Variants in PTPRN2 observed in about 807,000 individuals in gnomAD.
PTPRN2 encodes the protein receptor-type tyrosine-protein phosphatase N2.
In PTPRN2, 74 loss-of-function variants were observed where a neutral mutation model predicts 118.8. The ratio of observed to expected loss-of-function variants is 0.62; its 90% CI spans 0.52 to 0.76. The LOEUF is 0.76. Among genes scored for constraint, PTPRN2 ranks in the 30% least tolerant of loss-of-function variants. The pLI is 0.00. For synonymous variants in PTPRN2, 641 were observed against 608.0 expected (o/e 1.05, Z -0.80); for missense variants, 1,481 against 1,394.4 (o/e 1.06, Z -0.99).
In PTPRN2 at chr7:157,929,702, C is replaced by T. The variant is rs1165147390; in HGVS notation, c.1724-30965G>A. Among the ~76,000 whole-genome samples, 5 of 151,938 alleles carry T rather than the reference C, an allele frequency of 3.3e-5. No homozygotes were observed. The highest frequency in any genetic ancestry group is 2.1e-4 in the South Asian group (1 of 4,818). Reference sequence around the variant, plus strand: ...TCTACTGTAAGACTTCCCTGTCCCTCGGGTGGGGGCGGCATCCTCACAGGG... The same window carrying T: ...TCTACTGTAAGACTTCCCTGTCCCTTGGGTGGGGGCGGCATCCTCACAGGG... On this transcript the variant is annotated intron_variant, in intron 11 of 22. Coordinates refer to ENST00000389418, the MANE Select transcript of PTPRN2 (RefSeq NM_002847.5). The surrounding 1 kb of genome is among the most constrained non-coding windows in gnomAD (Gnocchi z 4.4).
intron 1 of PTPRN2, among the ~76,000 whole-genome samples, chr7:158,551,511 C>T (rs1449045743): frequency 6.9e-6 from 1 of 144,640 alleles, no homozygotes; most frequent in Non-Finnish European, 1.5e-5. Context: ...CAGCTCCTAA[C>T]CCATTGCATC....
intron 9 of PTPRN2, among the ~76,000 whole-genome samples, chr7:158,120,839 A>C (rs1046140331): frequency 1.1e-4 from 17 of 152,176 alleles, no homozygotes; most frequent in Non-Finnish European, 2.2e-4. Flanking sequence ...GGGAGGCAAC[A>C]GGGAAGGGAG....
chr7:157,910,730 G>A (rs886644245), intron 11 of PTPRN2, among the ~76,000 whole-genome samples: 1 of 152,238 alleles, frequency 6.6e-6, no homozygotes, highest in African/African-American at 2.4e-5. Flanking sequence ...GTGTGCGAGC[G>A]CGCGTGCGCC....
chr7:158,538,280 G>A lies in PTPRN2; in HGVS notation c.113-48495C>T, dbSNP rs1354551652. On this transcript the variant is annotated intron_variant, in intron 1 of 22. Coordinates refer to ENST00000389418, the MANE Select transcript of PTPRN2 (RefSeq NM_002847.5). Reference sequence around the variant, plus strand: ...TGCACCGCATCTCGGAAAGTGTTTCGAGACCTGCTCGTCCGGTGACTGGCG... The same window carrying A: ...TGCACCGCATCTCGGAAAGTGTTTCAAGACCTGCTCGTCCGGTGACTGGCG... Among the ~76,000 whole-genome samples, 5 of 152,312 alleles carry A rather than the reference G, an allele frequency of 3.3e-5. No homozygotes were observed. The East Asian group carries it at 9.7e-4, about 29-fold the overall frequency.
At chr7:157,757,163 T>C (rs1801834736) in intron 12 of PTPRN2, among the ~76,000 whole-genome samples, 1 of 151,554 alleles carries the variant, frequency 6.6e-6, no homozygotes, top group African/African-American at 2.4e-5. Flanking sequence ...TAGAAAAACC[T>C]AGCCTTGCAG....
intron 8 of PTPRN2, among the ~76,000 whole-genome samples, chr7:158,134,384 T>A (rs557401005): frequency 4.0e-5 from 6 of 151,510 alleles, no homozygotes; most frequent in African/African-American, 7.3e-5. Flanking sequence ...TTGATATTTT[T>A]AAAAATAAAC....
intron 3 of PTPRN2, among the ~76,000 whole-genome samples, chr7:158,284,564 G>A (rs1475840698): frequency 6.6e-6 from 1 of 152,184 alleles, no homozygotes; most frequent in African/African-American, 2.4e-5. Flanking sequence ...GGTTTTGACA[G>A]AAATTATGGA....
intron 3 of PTPRN2, among the ~76,000 whole-genome samples, chr7:158,255,540 A>G (rs954437152): frequency 6.6e-6 from 1 of 152,228 alleles, no homozygotes; most frequent in African/African-American, 2.4e-5. Context: ...GGGGAACTGC[A>G]GAGGACAGTA....
At position 158,248,055 on chromosome 7, in the gene PTPRN2, G is replaced by A. The variant is rs182607812; in HGVS notation, c.278-42782C>T. Among the ~76,000 whole-genome samples the A allele has an allele frequency of 3.2e-3, 490 of 152,280 alleles. 2 individuals carry two copies. The highest frequency in any genetic ancestry group is 6.0e-3 in the Non-Finnish European group (408 of 68,020). ...AAATCACAGCACATCGTTTCTGAGGGTAAAGAATTAGAGACTCCTTGAAAA... is the reference window on the plus strand; with the variant it reads ...AAATCACAGCACATCGTTTCTGAGGATAAAGAATTAGAGACTCCTTGAAAA... On this transcript the variant is annotated intron_variant, in intron 3 of 22. Transcript: ENST00000389418.
chr7:158,188,939 A>G (rs1023063438), intron 5 of PTPRN2, among the ~76,000 whole-genome samples: 7 of 152,166 alleles, frequency 4.6e-5, no homozygotes, highest in African/African-American at 1.7e-4. Flanking sequence ...TGCTGAGTCC[A>G]GCAGAACCAC....
chr7:157,774,614 T>C (rs944037818), intron 12 of PTPRN2, among the ~76,000 whole-genome samples: 2 of 152,170 alleles, frequency 1.3e-5, no homozygotes, highest in Non-Finnish European at 2.9e-5. Context: ...GGTGACAGTG[T>C]CGGCAAAAGT....
chr7:157,558,906 C>G (rs1415125376), intron 21 of PTPRN2, among the ~76,000 whole-genome samples: 1 of 152,226 alleles, frequency 6.6e-6, no homozygotes, highest in Non-Finnish European at 1.5e-5. Context: ...AGTGCAAACA[C>G]AGAGACCTTG....
chr7:158,007,344 A>G (rs75170249), intron 11 of PTPRN2, among the ~76,000 whole-genome samples: 334 of 152,222 alleles, frequency 2.2e-3, no homozygotes, highest in African/African-American at 7.7e-3. Context: ...ACGAGGGATC[A>G]GAGGCAGGAG....
rs564842998 is a variant in PTPRN2, at chr7:157,789,955, G to A, written c.1789-107018C>T. 3.4e-5 allele frequency among the ~76,000 whole-genome samples: 5 copies of A among 147,692 alleles called. No homozygotes were observed. In the Admixed American group the frequency reaches 3.4e-4, roughly 10 times the overall value. ...GTGTATGGTATGTGGTGTGTGTGTG[G>A]TGGTGACATGTGCGTATGGTGGTGT... On this transcript the variant is annotated intron_variant, in intron 12 of 22. Coordinates refer to ENST00000389418, the MANE Select transcript of PTPRN2 (RefSeq NM_002847.5).
chr7:157,897,229 T>C (rs1243714992), intron 12 of PTPRN2, among the ~76,000 whole-genome samples: 2 of 151,996 alleles, frequency 1.3e-5, no homozygotes, highest in Admixed American at 1.3e-4. Context: ...CACAGCTCCT[T>C]GTACACGCAG....
intron 2 of PTPRN2, among the ~76,000 whole-genome samples, chr7:158,466,733 C>T (rs1169159968): frequency 6.6e-6 from 1 of 152,220 alleles, no homozygotes; most frequent in Non-Finnish European, 1.5e-5. Context: ...AACCTACACA[C>T]TGTTTCCATA....
chr7:158,134,661 C>T (rs369775180), intron 8 of PTPRN2, among the ~76,000 whole-genome samples: 22 of 152,230 alleles, frequency 1.4e-4, no homozygotes, highest in East Asian at 1.4e-3. Context: ...TTGATTCTAA[C>T]GATACCTGAG....
At chr7:157,635,195 C>T (rs1804236929) in intron 14 of PTPRN2, among the ~76,000 whole-genome samples, 2 of 152,258 alleles carry the variant, frequency 1.3e-5, no homozygotes, top group African/African-American at 4.8e-5. Context: ...TAACTGTTTG[C>T]TCTTCATGGT....
At chr7:158,296,791 C>G (rs1320120142) in intron 3 of PTPRN2, among the ~76,000 whole-genome samples, 1 of 152,242 alleles carries the variant, frequency 6.6e-6, no homozygotes, top group Non-Finnish European at 1.5e-5. Flanking sequence ...TCCTGACCCA[C>G]TCTCTTCTGG....
Sources: gnomAD v4.1 joint callset for allele counts (sites outside exome capture counted in the v4.1 genomes callset) on GRCh38, gnomAD v4.1.1 for gene constraint, Gnocchi (gnomAD v3.1) non-coding constraint, MANE v1.5 for transcripts, NCBI Gene and HGNC (gene_info 2026-07-23, HGNC 2026-07-21) for gene names.